Variants in PCDHGB6 observed in about 807,000 individuals in gnomAD.
PCDHGB6 encodes the protein protocadherin gamma-B6.
Under a neutral mutation model 59.1 loss-of-function variants are expected in PCDHGB6, and 51 were observed. The observed-to-expected ratio is 0.86, with a 90% CI of 0.69 to 1.09. The LOEUF (loss-of-function observed/expected upper bound fraction) is 1.09, where lower values mean the gene tolerates loss of function less well. PCDHGB6 is among the 50% of genes least tolerant of loss of function. The pLI is 0.00. For synonymous variants in PCDHGB6, 466 were observed against 495.1 expected, an observed-to-expected ratio of 0.94 and a Z score of 0.78; for missense variants, 1,148 against 1,205.1, an observed-to-expected ratio of 0.95 and a Z score of 0.70.
At chr5:141,418,912 ACT>A (rs1457793463) in intron 1 of PCDHGB6, 2 of 1,613,770 alleles carry the variant, frequency 1.2e-6, no homozygotes, top group Non-Finnish European at 1.7e-6. Flanking sequence ...TCATCACGTC[ACT>A]CTCTGATCAG....
intron 1 of PCDHGB6, among the ~76,000 whole-genome samples, chr5:141,484,720 G>A (rs1458277947): frequency 2.6e-5 from 4 of 151,988 alleles, no homozygotes; most frequent in African/African-American, 7.2e-5. Flanking sequence ...GAAAAGGGGC[G>A]GGGTCAGTCG....
At chr5:141,454,019 A>G (rs905033407) in intron 1 of PCDHGB6, among the ~76,000 whole-genome samples, 1 of 152,262 alleles carries the variant, frequency 6.6e-6, no homozygotes, top group African/African-American at 2.4e-5. Flanking sequence ...AGAAAAATGT[A>G]TTAAGAATTG....
At chr5:141,472,046 A>T (rs945911971) in intron 1 of PCDHGB6, among the ~76,000 whole-genome samples, 4 of 152,210 alleles carry the variant, frequency 2.6e-5, no homozygotes, top group Non-Finnish European at 4.4e-5. Context: ...AAAAGATTTT[A>T]AAAATGATTG....
chr5:141,427,664 C>T (rs760682962), intron 1 of PCDHGB6: 11 of 775,778 alleles, frequency 1.4e-5, no homozygotes, highest in East Asian at 1.0e-4. Context: ...TCCACGTGGC[C>T]GAAAACAACC....
Position 141,490,693 on chromosome 5 carries a change from G to A in PCDHGB6, c.2419-4114G>A. On this transcript the variant is annotated intron_variant, in intron 1 of 3. Coordinates refer to ENST00000520790, the MANE Select transcript of PCDHGB6 (RefSeq NM_018926.3). This position sits in a 1 kb window ranked among gnomAD's most constrained non-coding sequence, Gnocchi z 5.4. ...GGCTGCCTCAGATCCAGACACTGGGGATAATGCCCGCCTCACCTACTCCAT... is the reference window on the plus strand; with the variant it reads ...GGCTGCCTCAGATCCAGACACTGGGAATAATGCCCGCCTCACCTACTCCAT... 1.9e-6 allele frequency: 3 copies of A among 1,614,170 alleles called. No homozygotes were observed. Among genetic ancestry groups the A allele is most frequent in the Non-Finnish European group, 2.5e-6 (3 of 1,180,018 alleles).
intron 1 of PCDHGB6, chr5:141,413,638 C>T (rs768604791): frequency 4.8e-5 from 78 of 1,613,686 alleles, no homozygotes; most frequent in Middle Eastern, 1.6e-4. Flanking sequence ...TGCGGGAATG[C>T]GTTTTCCTCT....
intron 1 of PCDHGB6, among the ~76,000 whole-genome samples, chr5:141,456,464 A>T (rs1430885015): frequency 6.6e-6 from 1 of 152,192 alleles, no homozygotes; most frequent in Non-Finnish European, 1.5e-5. Flanking sequence ...TCAATACAAG[A>T]CATATAAGCA....
intron 1 of PCDHGB6, chr5:141,419,592 T>C (rs1561782617): frequency 6.2e-7 from 1 of 1,611,670 alleles, no homozygotes. Context: ...TTCGACACAG[T>C]GCCGCGGGCC....
chr5:141,470,794 C>T (rs1332287628), intron 1 of PCDHGB6, among the ~76,000 whole-genome samples: 1 of 152,162 alleles, frequency 6.6e-6, no homozygotes, highest in African/African-American at 2.4e-5. Flanking sequence ...CTCAAGCAAT[C>T]CTCCCACTTC....
chr5:141,413,575 G>A lies in PCDHGB6; in HGVS notation c.2418+2955G>A, dbSNP rs762938003. The stretch of plus-strand genomic sequence containing the variant: ...AGAAGTAACTGATATCAATGACAAT[G>A]CTCCAAAATTCCAAGCAGAAAATCT... On this transcript the variant is annotated intron_variant, in intron 1 of 3. Transcript: ENST00000520790. 4.3e-6 allele frequency: 7 copies of A among 1,613,886 alleles called. No individual in the cohort carries two copies. In the South Asian group the frequency reaches 6.6e-5, roughly 15 times the overall value.
intron 1 of PCDHGB6, among the ~76,000 whole-genome samples, chr5:141,458,726 C>T (rs1301761231): frequency 1.3e-5 from 2 of 151,992 alleles, no homozygotes; most frequent in African/African-American, 4.8e-5. Flanking sequence ...TTCGCCACCA[C>T]ATCCAGCTAT....
At position 141,460,491 on chromosome 5, in the gene PCDHGB6, A is replaced by G. The variant is rs544539917; in HGVS notation, c.2419-34316A>G. Among the ~76,000 whole-genome samples, 240 of 152,272 alleles carry G rather than the reference A, an allele frequency of 1.6e-3. 1 individual carries two copies. Among genetic ancestry groups the G allele is most frequent in the Non-Finnish European group, 2.6e-3 (177 of 68,014 alleles). On this transcript the variant is annotated intron_variant, in intron 1 of 3. Transcript: ENST00000520790. ...AAGGAATATCCAATTGTCTCTTTGG[A>G]AAAATATGCTGAGAAGGCTATCTTT...
rs756549446 is a variant in PCDHGB6 at position 141,477,301 on chromosome 5, C to G, written c.2419-17506C>G. 32 of 1,614,042 alleles carry G rather than the reference C, an allele frequency of 2.0e-5. 2 individuals carry two copies. In the South Asian group the frequency reaches 3.4e-4, roughly 17 times the overall value. On this transcript the variant is annotated intron_variant, in intron 1 of 3. Coordinates refer to ENST00000520790, the MANE Select transcript of PCDHGB6 (RefSeq NM_018926.3). The surrounding 1 kb of genome is among the most constrained non-coding windows in gnomAD (Gnocchi z 4.9). The stretch of plus-strand genomic sequence containing the variant: ...TGACCTGCGAAGTTCCACCGGGTCT[C>G]CCTTTCAGCCTTACTTCTTCCCTCA...
intron 1 of PCDHGB6, among the ~76,000 whole-genome samples, chr5:141,460,801 ATATGTATG>A (rs2098998171): frequency 6.6e-6 from 1 of 152,010 alleles, no homozygotes; most frequent in Non-Finnish European, 1.5e-5. Context: ...CAAAGTATAT[ATATGTATG>A]TATACATATA....
rs2095305881 is a variant in PCDHGB6, at chr5:141,409,719, CAGTG to C, written c.1520_1523del (p.Val507AlafsTer39). 1.2e-6 allele frequency: 2 copies of C among 1,613,090 alleles called. No homozygotes were observed. The highest frequency in any genetic ancestry group is 2.2e-5 in the South Asian group (2 of 91,076). On this transcript the variant is annotated frameshift_variant, in exon 1 of 4. Transcript: ENST00000520790. LOFTEE classifies it high-confidence loss of function. ...CCCCTGGCGGTGTCGTCATACGTGT[CAGTG>C]AGCGCGCAGAGCGGGGTGGTGTTCG...
chr5:141,486,138 C>T lies in PCDHGB6; in HGVS notation c.2419-8669C>T. On this transcript the variant is annotated intron_variant, in intron 1 of 3. Transcript: ENST00000520790. This position sits in a 1 kb window ranked among gnomAD's most constrained non-coding sequence, Gnocchi z 5.0. ...AATTACTATGAATTTGATGTGCGGG[C>T]TCGCGATGGGGGTTCTCCAGCCATG... The T allele has an allele frequency of 6.2e-7, 1 of 1,614,212 alleles. No individual in the cohort carries two copies. The highest frequency in any genetic ancestry group is 1.3e-5 in the African/African-American group (1 of 75,052).
At chr5:141,435,026 C>T (rs977017371) in intron 1 of PCDHGB6, among the ~76,000 whole-genome samples, 1 of 151,978 alleles carries the variant, frequency 6.6e-6, no homozygotes, top group Non-Finnish European at 1.5e-5. Flanking sequence ...GCTCTTTTCC[C>T]ACTTTTATTT....
rs188338684 is a variant in PCDHGB6, at chr5:141,431,953, C to T, written c.2418+21333C>T. ...TGCCCTTTAAATTAGAAAAATCTTA[C>T]GGAAATTACTATAGTTTAGTCACAG... On this transcript the variant is annotated intron_variant, in intron 1 of 3. Transcript: ENST00000520790. The surrounding 1 kb of genome is among the most constrained non-coding windows in gnomAD (Gnocchi z 4.8). 2.4e-5 allele frequency: 38 copies of T among 1,614,082 alleles called. No homozygotes were observed. In the East Asian group the frequency reaches 7.6e-4, roughly 32 times the overall value.
intron 1 of PCDHGB6, chr5:141,414,828 G>A (rs780047810): frequency 1.4e-5 from 22 of 1,614,092 alleles, no homozygotes; most frequent in Non-Finnish European, 1.8e-5. Flanking sequence ...GCAACGTGTC[G>A]TTGAGCCTGT....
Sources: allele counts gnomAD v4.1 joint callset (sites outside exome capture counted in the v4.1 genomes callset), GRCh38; gene constraint gnomAD v4.1.1; non-coding constraint Gnocchi (gnomAD v3.1); transcripts MANE v1.5; gene names NCBI Gene and HGNC (gene_info 2026-07-23, HGNC 2026-07-21).